HECW1: variants seen among roughly 807,000 people sequenced by gnomAD.
The protein encoded by HECW1 is HECT, C2 and WW domain containing E3 ubiquitin protein ligase 1.
In HECW1, 61 loss-of-function variants were observed where a neutral mutation model predicts 182.3. That is an observed-to-expected ratio of 0.33 (90% CI 0.27 to 0.41). The LOEUF is 0.41. HECW1 is among the 10% of genes least tolerant of loss of function. The pLI is 1.00. For synonymous variants in HECW1, 859 were observed against 832.6 expected (o/e 1.03, Z -0.55); for missense variants, 1,739 against 2,108.9 (o/e 0.82, Z 3.44).
rs539830897 is a variant in HECW1 at position 43,133,476 on chromosome 7, G to A, written c.-32+19085G>A. On this transcript the variant is annotated intron_variant, in intron 2 of 29. Transcript: ENST00000395891. The stretch of plus-strand genomic sequence containing the variant: ...TTGGTCTCTTTAGTTTTTATTTCTA[G>A]TTGAGACAAATAAATTATCTTTTCC... 3.3e-5 allele frequency among the ~76,000 whole-genome samples: 5 copies of A among 151,844 alleles called. No individual in the cohort carries two copies. In the South Asian group the frequency reaches 1.0e-3, roughly 32 times the overall value.
rs927608628 is a variant in HECW1, at chr7:43,258,526, C to T, written c.27+14594C>T. The stretch of plus-strand genomic sequence containing the variant: ...AGATTATGGAACTAATTATATATTT[C>T]ATTTACAGGTAGATCCTGGTCAAGA... On this transcript the variant is annotated intron_variant, in intron 3 of 29. Transcript: ENST00000395891. The T allele has an allele frequency of 3.3e-5, 5 of 152,074 alleles. No individual in the cohort carries two copies. In the East Asian group the frequency reaches 7.7e-4, roughly 23 times the overall value. The allele number at this position is 152,074 out of a possible 1,614,324, so 9.4% of individuals were successfully genotyped here. A position where few individuals can be genotyped will look rare whatever the true frequency, so the allele number is the denominator to read the frequency against.
chr7:43,481,073 A>G (rs1165893907), intron 17 of HECW1, among the ~76,000 whole-genome samples: 3 of 152,030 alleles, frequency 2.0e-5, no homozygotes, highest in Non-Finnish European at 4.4e-5. Flanking sequence ...TTCTTTCTTC[A>G]TATATATAAG....
At chr7:43,230,405 A>C (rs935807148) in intron 2 of HECW1, among the ~76,000 whole-genome samples, 1 of 152,176 alleles carries the variant, frequency 6.6e-6, no homozygotes, top group Non-Finnish European at 1.5e-5. Flanking sequence ...AAAATAAATA[A>C]ATAAAAACAA....
At chr7:43,387,884 TTCTTAAGATAG>T (rs2074863203) in intron 6 of HECW1, among the ~76,000 whole-genome samples, 1 of 152,248 alleles carries the variant, frequency 6.6e-6, no homozygotes, top group Non-Finnish European at 1.5e-5. Flanking sequence ...GCTAACATAA[TTCTTAAGATAG>T]AAGTCAGAGG....
At chr7:43,236,125 C>T (rs988605755) in intron 2 of HECW1, among the ~76,000 whole-genome samples, 1 of 151,978 alleles carries the variant, frequency 6.6e-6, no homozygotes, top group Non-Finnish European at 1.5e-5. Context: ...TGCACTAGTC[C>T]GTGTATATAC....
intron 5 of HECW1, among the ~76,000 whole-genome samples, chr7:43,331,078 T>G (rs930319204): frequency 6.6e-6 from 1 of 152,156 alleles, no homozygotes; most frequent in Non-Finnish European, 1.5e-5. Flanking sequence ...GTTGGTGTGC[T>G]GCACCCATTA....
intron 13 of HECW1, 39 bp from the exon 14 acceptor site, chr7:43,463,621 C>A (rs371972218): frequency 3.1e-6 from 5 of 1,596,082 alleles, no homozygotes; most frequent in Non-Finnish European, 4.3e-6. Flanking sequence ...AAGGAGCAAA[C>A]CAAAGTTAAC....
chr7:43,465,567 G>A (rs2077736748), intron 14 of HECW1, among the ~76,000 whole-genome samples: 1 of 152,198 alleles, frequency 6.6e-6, no homozygotes, highest in African/African-American at 2.4e-5. Context: ...TGTCACTTCT[G>A]ACATGTTCTA....
At chr7:43,217,033 G>T (rs1440489046) in intron 2 of HECW1, among the ~76,000 whole-genome samples, 1 of 152,116 alleles carries the variant, frequency 6.6e-6, no homozygotes, top group Non-Finnish European at 1.5e-5. Context: ...GATCATAGTG[G>T]CAGCATTAGA....
intron 18 of HECW1, 147 bp downstream of exon 18, chr7:43,492,327 A>C (rs2078963410): frequency 3.4e-6 from 2 of 586,536 alleles, no homozygotes; most frequent in Non-Finnish European, 6.0e-6. Flanking sequence ...TATAGTGCAC[A>C]CCCCGACCCC....
intron 2 of HECW1, among the ~76,000 whole-genome samples, chr7:43,175,247 A>G (rs780836990): frequency 6.6e-6 from 1 of 152,050 alleles, no homozygotes; most frequent in Non-Finnish European, 1.5e-5. Flanking sequence ...TCCCTCGCAC[A>G]CTTACCATTT....
intron 6 of HECW1, among the ~76,000 whole-genome samples, chr7:43,386,714 C>A (rs1413265301): frequency 2.0e-5 from 3 of 152,152 alleles, no homozygotes; most frequent in African/African-American, 7.3e-5. Context: ...TGTAAGCCCT[C>A]ATCTCAGGTC....
At chr7:43,122,025 T>C (rs1054265529) in intron 2 of HECW1, 5 of 152,158 alleles carry the variant, frequency 3.3e-5, no homozygotes, top group Non-Finnish European at 7.4e-5. Flanking sequence ...CAAAGGTAAG[T>C]AGAAAGTTAG....
At chr7:43,162,622 A>G (rs1790665053) in intron 2 of HECW1, among the ~76,000 whole-genome samples, 1 of 152,214 alleles carries the variant, frequency 6.6e-6, no homozygotes, top group Non-Finnish European at 1.5e-5. Context: ...TAGGACATGG[A>G]CATATCTTTT....
chr7:43,419,066 C>T (rs562231535), intron 8 of HECW1, among the ~76,000 whole-genome samples: 24 of 152,282 alleles, frequency 1.6e-4, no homozygotes, highest in African/African-American at 5.5e-4. Flanking sequence ...CTGGGATCAG[C>T]CATAAACTTG....
rs919121137 is a variant in HECW1, at chr7:43,238,295, G to T, written c.-31-5580G>T. The stretch of plus-strand genomic sequence containing the variant: ...TGGCCATGATGCTGGCACCAGAGTG[G>T]GTGCTGTCCAGAAGCTGTCCCCATC... On this transcript the variant is annotated intron_variant, in intron 2 of 29. Coordinates refer to ENST00000395891, the MANE Select transcript of HECW1 (RefSeq NM_015052.5). Among the ~76,000 whole-genome samples the T allele has an allele frequency of 2.2e-4, 34 of 152,150 alleles. 1 individual carries two copies. The highest frequency in any genetic ancestry group is 2.0e-3 in the Admixed American group (30 of 15,280).
At position 43,444,725 on chromosome 7, in the gene HECW1, G is replaced by T; in HGVS notation, c.1553G>T (p.Gly518Val). 6.2e-7 allele frequency: 1 copy of T among 1,612,742 alleles called. No homozygotes were observed. The highest frequency in any genetic ancestry group is 8.5e-7 in the Non-Finnish European group (1 of 1,179,362). ...EEGDVSTLEQ[G>V]EGRLQLRASV... ...GGAGATGTGTCTACCCTGGAGCAGG[G>T]AGAGGGCAGGCTGCAGCTGCGGGCC... Residue 518 changes from glycine to valine, a missense_variant, in exon 11 of 30, where the codon GGA becomes GTA. Around this residue, in one of 5 missense-constraint regions of HECW1, gnomAD observed 971 missense variants for 1,029.1 expected, o/e 0.94. Transcript: ENST00000395891. The surrounding 1 kb of genome is among the most constrained non-coding windows in gnomAD (Gnocchi z 4.3).
intron 24 of HECW1, among the ~76,000 whole-genome samples, chr7:43,513,635 T>C (rs1440705462): frequency 6.6e-6 from 1 of 151,524 alleles, no homozygotes; most frequent in Non-Finnish European, 1.5e-5. Flanking sequence ...AAATTCTGTG[T>C]TACACACGTT....
intron 13 of HECW1, among the ~76,000 whole-genome samples, chr7:43,461,063 C>T (rs550657295): frequency 1.2e-4 from 18 of 152,258 alleles, no homozygotes; most frequent in Non-Finnish European, 1.9e-4. Flanking sequence ...TTCCAGGCAT[C>T]TGTTGCTGAG....
Sources: gnomAD v4.1 joint callset for allele counts (sites outside exome capture counted in the v4.1 genomes callset) on GRCh38, gnomAD v4.1.1 for gene constraint, gnomAD v4.1.1 regional missense constraint, Gnocchi (gnomAD v3.1) non-coding constraint, MANE v1.5 for transcripts, NCBI Gene and HGNC (gene_info 2026-07-23, HGNC 2026-07-21) for gene names.